ZNF638: variants seen among roughly 807,000 people sequenced by gnomAD.
ZNF638 encodes zinc finger protein 638, also known as CTCL tumor antigen se33-1.
A neutral mutation model predicts 195.6 loss-of-function variants in ZNF638; 46 were observed. The ratio of observed to expected loss-of-function variants is 0.24; its 90% CI spans 0.19 to 0.30. ZNF638 has a LOEUF of 0.30. ZNF638 is among the 10% of genes least tolerant of loss of function. The pLI, the probability that ZNF638 is intolerant of heterozygous loss-of-function variation, is 1.00. For missense variants in ZNF638, 2,440 were observed against 2,325.3 expected, an observed-to-expected ratio of 1.05 and a Z score of -1.01; for synonymous variants, 845 against 772.0, an observed-to-expected ratio of 1.09 and a Z score of -1.57.
intron 14 of ZNF638, 94 bp from the exon 15 acceptor site, chr2:71,400,384 A>G: frequency 2.4e-6 from 3 of 1,257,842 alleles, no homozygotes; most frequent in Non-Finnish European, 2.2e-6. Context: ...GTTGTATTAC[A>G]CGTTTTCATG....
intron 8 of ZNF638, among the ~76,000 whole-genome samples, chr2:71,376,627 C>G (rs2079431310): frequency 6.6e-6 from 1 of 152,142 alleles, no homozygotes; most frequent in South Asian, 2.1e-4. Flanking sequence ...TTTGATATTT[C>G]ATGTTAGGAC....
chr2:71,377,430 A>G (rs1384920181), intron 8 of ZNF638, among the ~76,000 whole-genome samples: 1 of 152,246 alleles, frequency 6.6e-6, no homozygotes, highest in Non-Finnish European at 1.5e-5. Flanking sequence ...CAAGTAGTCA[A>G]CTAGGAATTG....
At chr2:71,416,578 T>A (rs193153627) in intron 20 of ZNF638, among the ~76,000 whole-genome samples, 3 of 19,132 alleles carry the variant, frequency 1.6e-4, no homozygotes, top group Non-Finnish European at 2.0e-4. Context: ...TTCCAGTTTT[T>A]CTGTTCTGTT....
intron 19 of ZNF638, among the ~76,000 whole-genome samples, chr2:71,406,791 G>C (rs1468257360): frequency 2.6e-5 from 4 of 152,104 alleles, no homozygotes; most frequent in Non-Finnish European, 5.9e-5. Context: ...CTTGAGCCCA[G>C]GAGTTTGAGA....
intron 5 of ZNF638, 144 bp from the exon 6 acceptor site, chr2:71,365,285 C>T: frequency 3.1e-6 from 2 of 637,806 alleles, no homozygotes; most frequent in South Asian, 2.8e-5. Flanking sequence ...CATGTAAAAG[C>T]CTTCTGAGTG....
intron 1 of ZNF638, among the ~76,000 whole-genome samples, chr2:71,337,116 C>G (rs909616038): frequency 6.6e-6 from 1 of 151,514 alleles, no homozygotes; most frequent in Non-Finnish European, 1.5e-5. Flanking sequence ...AGGTTTTCTG[C>G]CTCTTGCCAT....
chr2:71,380,397 G>A (rs2079515055), intron 9 of ZNF638, 116 bp from the exon 10 acceptor site: 6 of 1,099,490 alleles, frequency 5.5e-6, no homozygotes, highest in Non-Finnish European at 6.5e-6. Flanking sequence ...GTTTAAGAGG[G>A]ATATCACTCC....
chr2:71,426,863 TTCTG>T lies in ZNF638; in HGVS notation c.4997_5000del (p.Leu1666GlnfsTer15). On this transcript the variant is annotated frameshift_variant, in exon 24 of 28. Coordinates refer to ENST00000264447, the MANE Select transcript of ZNF638 (RefSeq NM_014497.5). LOFTEE classifies it high-confidence loss of function. ...CACAGTGAACCTAAAGATGTTACTG[TTCTG>T]TCAGTGGCTGAAGAACAAGATCTCC... The T allele has an allele frequency of 6.2e-7, 1 of 1,614,174 alleles. No homozygotes were observed. Among genetic ancestry groups the T allele is most frequent in the Non-Finnish European group, 8.5e-7 (1 of 1,179,994 alleles).
At chr2:71,380,599 G>A in intron 10 of ZNF638, 34 bp downstream of exon 10, 1 of 1,545,640 alleles carries the variant, frequency 6.5e-7, no homozygotes, top group Non-Finnish European at 8.8e-7. Context: ...TTTCAAATGA[G>A]TGTATCTTGT....
chr2:71,389,708 A>G (rs763609362), intron 10 of ZNF638, among the ~76,000 whole-genome samples: 31 of 152,354 alleles, frequency 2.0e-4, no homozygotes, highest in Non-Finnish European at 4.0e-4. Context: ...CGGAAGTTCA[A>G]CAAGGATCTT....
intron 3 of ZNF638, among the ~76,000 whole-genome samples, chr2:71,359,094 A>G (rs2079068295): frequency 6.6e-6 from 1 of 152,210 alleles, no homozygotes; most frequent in African/African-American, 2.4e-5. Context: ...GATGTTCTAG[A>G]ACTGAATCTA....
chr2:71,388,406 C>T (rs935006043), intron 10 of ZNF638: 16 of 664,580 alleles, frequency 2.4e-5, no homozygotes, highest in East Asian at 5.8e-5. Context: ...TGATCATCCG[C>T]GTGCAGGACT....
At chr2:71,409,599 C>T (rs994767725) in intron 20 of ZNF638, among the ~76,000 whole-genome samples, 42 of 152,222 alleles carry the variant, frequency 2.8e-4, no homozygotes, top group East Asian at 1.9e-4. Flanking sequence ...CTCAAAATGG[C>T]GCCACATTTT....
chr2:71,400,572 G>C, intron 15 of ZNF638, 54 bp downstream of exon 15: 2 of 1,469,584 alleles, frequency 1.4e-6, no homozygotes, highest in South Asian at 2.6e-5. Context: ...TTTAACAAAA[G>C]ATATTTTTCT....
intron 10 of ZNF638, among the ~76,000 whole-genome samples, chr2:71,382,392 G>A (rs1273107245): frequency 6.6e-6 from 1 of 152,154 alleles, no homozygotes; most frequent in East Asian, 1.9e-4. Context: ...CCTATAAACA[G>A]GACTGAGAAA....
At chr2:71,337,430 T>C (rs1281660716) in intron 1 of ZNF638, among the ~76,000 whole-genome samples, 1 of 152,186 alleles carries the variant, frequency 6.6e-6, no homozygotes, top group Non-Finnish European at 1.5e-5. Context: ...TTTTATTTTT[T>C]TGAGGAAGTG....
At position 71,423,404 on chromosome 2, in the gene ZNF638, A is replaced by T; in HGVS notation, c.3890A>T (p.Lys1297Ile). 2 of 1,613,976 alleles carry T rather than the reference A, an allele frequency of 1.2e-6. No homozygotes were observed. Among genetic ancestry groups the T allele is most frequent in the Non-Finnish European group, 8.5e-7 (1 of 1,179,990 alleles). The change falls in exon 22 of 28, where the codon AAA becomes ATA. Residue 1297 changes from lysine (K) to isoleucine (I), a missense_variant. Transcript: ENST00000264447. Reference sequence around the variant, plus strand: ...ACTGGGGATGAGAAGACAGTGGACAAAAAGAATATTTCTGAAAAAAAAGGT... The same window carrying T: ...ACTGGGGATGAGAAGACAGTGGACATAAAGAATATTTCTGAAAAAAAAGGT... ...IPTGDEKTVDKKNISEKKGNM... is the reference protein window; with the variant it reads ...IPTGDEKTVDIKNISEKKGNM...
At chr2:71,369,842 A>G in intron 7 of ZNF638, 41 bp from the exon 8 acceptor site, 2 of 1,541,230 alleles carry the variant, frequency 1.3e-6, no homozygotes, top group Non-Finnish European at 1.7e-6. Context: ...GAACTTTTAA[A>G]GATAGATTTG....
At chr2:71,381,695 G>T (rs2079537654) in intron 10 of ZNF638, among the ~76,000 whole-genome samples, 1 of 152,084 alleles carries the variant, frequency 6.6e-6, no homozygotes, top group Non-Finnish European at 1.5e-5. Context: ...TGGGGTGTGT[G>T]TTATAGCTAT....
Sources: allele counts gnomAD v4.1 joint callset (sites outside exome capture counted in the v4.1 genomes callset), GRCh38; gene constraint gnomAD v4.1.1; transcripts MANE v1.5; gene names NCBI Gene and HGNC (gene_info 2026-07-23, HGNC 2026-07-21).